ZNF232: variants seen among roughly 807,000 people sequenced by gnomAD.
ZNF232 encodes the protein zinc finger protein 232.
Under a neutral mutation model 25.2 loss-of-function variants are expected in ZNF232, and 25 were observed. The observed-to-expected ratio is 0.99, with a 90% CI of 0.72 to 1.39. The LOEUF is 1.39. ZNF232 is among the 40% of genes most tolerant of loss of function. The pLI, the probability that ZNF232 is intolerant of heterozygous loss-of-function variation, is 0.00. For synonymous variants in ZNF232, 193 were observed against 182.9 expected, an observed-to-expected ratio of 1.06 and a Z score of -0.45; for missense variants, 519 against 520.9, an observed-to-expected ratio of 1.00 and a Z score of 0.04.
chr17:5,111,987 G>T (rs564393605), upstream of ZNF232: 1,196 of 1,034,678 alleles, frequency 1.2e-3, 1 homozygote, highest in South Asian at 1.5e-3. Flanking sequence ...GAGGCTGGGA[G>T]CCCGGGAACC....
upstream of ZNF232, among the ~76,000 whole-genome samples, chr17:5,115,575 C>CAA (rs1491438480): frequency 6.7e-6 from 1 of 149,432 alleles, no homozygotes; most frequent in East Asian, 1.9e-4. Context: ...CACACACACA[C>CAA]AAAACCCAAA....
upstream of ZNF232, among the ~76,000 whole-genome samples, chr17:5,116,152 GGC>G (rs1382272617): frequency 1.2e-4 from 18 of 152,346 alleles, no homozygotes; most frequent in African/African-American, 4.1e-4. Context: ...CTACCTTGGC[GGC>G]CGCGCCCATG....
chr17:5,105,940 T>C, exon 4 of ZNF232: 1 of 1,614,224 alleles, frequency 6.2e-7, no homozygotes, highest in Non-Finnish European at 8.5e-7. Flanking sequence ...CTGTGAATTC[T>C]CCGATGCTGA....
intron 1 of ZNF232, among the ~76,000 whole-genome samples, chr17:5,119,145 AC>A (rs1220216117): frequency 1.3e-5 from 2 of 150,978 alleles, no homozygotes; most frequent in African/African-American, 4.8e-5. Context: ...CACTCCAATC[AC>A]CCCTCTTCCT....
At chr17:5,121,955 A>G (rs1441700987) in intron 1 of ZNF232, among the ~76,000 whole-genome samples, 3 of 152,168 alleles carry the variant, frequency 2.0e-5, no homozygotes, top group African/African-American at 7.2e-5. Context: ...TAGATCACGT[A>G]GGCAATGGGG....
exon 4 of ZNF232, chr17:5,106,387 C>G (rs746788764): frequency 6.2e-7 from 1 of 1,614,220 alleles, no homozygotes; most frequent in East Asian, 2.2e-5. Context: ...TCAGAGGTAG[C>G]TTCAAATGTA....
Position 5,106,007 on chromosome 17 carries a change from C to CT in ZNF232, c.1124dup (p.Lys376GlufsTer4). 6.2e-7 allele frequency: 1 copy of CT among 1,614,178 alleles called. No homozygotes were observed. The highest frequency in any genetic ancestry group is 1.1e-5 in the South Asian group (1 of 91,082). Reference sequence around the variant, plus strand: ...CACACTCATTACACTCATAGGGCTTCTCTCCTGAGTGAATCCTCTGATGCT... The same window carrying CT: ...CACACTCATTACACTCATAGGGCTTCTTCTCCTGAGTGAATCCTCTGATGCT... On this transcript the variant is annotated frameshift_variant, in exon 4 of 4. Coordinates refer to ENST00000575898, the Ensembl canonical transcript of ZNF232. LOFTEE classifies it low-confidence loss of function (END_TRUNC).
exon 4 of ZNF232, chr17:5,105,910 A>G: frequency 6.2e-7 from 1 of 1,614,130 alleles, no homozygotes; most frequent in Non-Finnish European, 8.5e-7. Context: ...CATTCTTTAC[A>G]TATAAAAGGT....
chr17:5,110,893 G>T (rs1243018683), intron 1 of ZNF232, among the ~76,000 whole-genome samples: 1 of 152,188 alleles, frequency 6.6e-6, no homozygotes, highest in Non-Finnish European at 1.5e-5. Flanking sequence ...TGGGGAGAAA[G>T]CTGGCAGGAG....
chr17:5,111,717 C>G, intron 1 of ZNF232, 83 bp downstream of exon 1: 2 of 1,607,398 alleles, frequency 1.2e-6, no homozygotes, highest in Non-Finnish European at 1.7e-6. Context: ...CAGGCCTGCT[C>G]ACTGCAGAGC....
At chr17:5,105,831 G>A in exon 4 of ZNF232, 3 of 1,581,754 alleles carry the variant, frequency 1.9e-6, no homozygotes, top group African/African-American at 1.4e-5. Context: ...AATTCAATGG[G>A]AAGGCTCTTT....
At chr17:5,108,869 T>C (rs1597922054) in intron 3 of ZNF232, 57 bp downstream of exon 3, 1 of 1,612,010 alleles carries the variant, frequency 6.2e-7, no homozygotes. Flanking sequence ...TACTAGGTAC[T>C]GTGCCCTTTA....
At chr17:5,111,901 G>T (rs2072424828), upstream of ZNF232, 3 of 1,584,924 alleles carry the variant, frequency 1.9e-6, no homozygotes, top group Non-Finnish European at 2.6e-6. Flanking sequence ...CGCAGCCTCG[G>T]CCTCCAACTC....
chr17:5,108,168 T>G, intron 3 of ZNF232, among the ~76,000 whole-genome samples: 1 of 152,124 alleles, frequency 6.6e-6, no homozygotes, highest in South Asian at 2.1e-4. Context: ...GTGATAGTGA[T>G]GGGGGGGCAG....
rs1359750331 is a variant in ZNF232, at chr17:5,105,833, AG to A, written c.1298del (p.Pro433LeufsTer22). On this transcript the variant is annotated frameshift_variant, in exon 4 of 4. Coordinates refer to ENST00000575898, the Ensembl canonical transcript of ZNF232. LOFTEE classifies it high-confidence loss of function. The stretch of plus-strand genomic sequence containing the variant: ...CGTTCTCCCCTTCAATTCAATGGGA[AG>A]GCTCTTTTCTGGCATGAACTCTCCG... 1.3e-6 allele frequency: 2 copies of A among 1,582,570 alleles called. No homozygotes were observed. Among genetic ancestry groups the A allele is most frequent in the Non-Finnish European group, 1.7e-6 (2 of 1,165,136 alleles).
Position 5,109,667 on chromosome 17 carries a change from T to C in ZNF232, c.225A>G (p.Gln75=), listed in dbSNP as rs1330880213. The C allele has an allele frequency of 3.1e-6, 5 of 1,614,190 alleles. No homozygotes were observed. The East Asian group carries it at 1.1e-4, about 36-fold the overall frequency. ...GCCTGAAGCGTTGGCGGAAGATCTC[T>C]TGACTGGTAGAGTGGTTCCCAGGTA... Residue 75 remains glutamine, a synonymous_variant, in exon 2 of 4, where the codon CAA becomes CAG. Coordinates refer to ENST00000575898, the Ensembl canonical transcript of ZNF232.
chr17:5,111,879 GC>G, upstream of ZNF232: 1 of 1,607,446 alleles, frequency 6.2e-7, no homozygotes, highest in Middle Eastern at 1.7e-4. Context: ...GCAGGTTTGC[GC>G]CTGCGCAGGT....
intron 1 of ZNF232, among the ~76,000 whole-genome samples, chr17:5,110,891 A>T (rs1442888090): frequency 1.3e-5 from 2 of 152,178 alleles, no homozygotes; most frequent in Non-Finnish European, 2.9e-5. Flanking sequence ...AATGGGGAGA[A>T]AGCTGGCAGG....
upstream of ZNF232, chr17:5,114,082 G>T (rs1392096711): frequency 6.7e-6 from 1 of 150,228 alleles, no homozygotes; most frequent in Non-Finnish European, 1.5e-5. Flanking sequence ...TTTCCAAATA[G>T]TTAGGACAAA....
Sources: allele counts gnomAD v4.1 joint callset (sites outside exome capture counted in the v4.1 genomes callset), GRCh38; gene constraint gnomAD v4.1.1; transcripts MANE v1.5; gene names NCBI Gene and HGNC (gene_info 2026-07-23, HGNC 2026-07-21).